The following NELL1 variants were observed in gnomAD, a reference collection of about 807,000 sequenced individuals.
The protein encoded by NELL1 is neural EGFL like 1, also known as protein kinase C-binding protein NELL1.
NELL1 carries 76 observed loss-of-function variants against 107.4 expected under a neutral mutation model. That is an observed-to-expected ratio of 0.71 (90% confidence interval 0.59 to 0.86). The LOEUF (loss-of-function observed/expected upper bound fraction) is 0.86. Ranked by LOEUF, NELL1 falls within the 40% of genes least tolerant of loss-of-function variation. The pLI, the probability that NELL1 is intolerant of heterozygous loss-of-function variation, is 0.00. For synonymous variants in NELL1, 353 were observed against 341.2 expected, an observed-to-expected ratio of 1.03 and a Z score of -0.38; for missense variants, 1,024 against 1,005.5, an observed-to-expected ratio of 1.02 and a Z score of -0.25.
chr11:20,975,732 AATGT>A (rs952529285), intron 12 of NELL1, among the ~76,000 whole-genome samples: 4 of 96,180 alleles, frequency 4.2e-5, no homozygotes, highest in East Asian at 3.2e-4. Context: ...TGTATTATAT[AATGT>A]ATGTATTATA....
intron 16 of NELL1, among the ~76,000 whole-genome samples, chr11:21,544,434 T>G (rs2133982117): frequency 6.6e-6 from 1 of 151,974 alleles, no homozygotes; most frequent in South Asian, 2.1e-4. Context: ...ATATAGGTAA[T>G]TAGGGAAGAA....
intron 3 of NELL1, among the ~76,000 whole-genome samples, chr11:20,808,893 A>G (rs1298405149): frequency 6.6e-6 from 1 of 152,224 alleles, no homozygotes; most frequent in Non-Finnish European, 1.5e-5. Flanking sequence ...TCAGCAATTC[A>G]AGACTGTCTT....
At chr11:20,811,939 C>T (rs982903623) in intron 3 of NELL1, among the ~76,000 whole-genome samples, 4 of 151,778 alleles carry the variant, frequency 2.6e-5, no homozygotes, top group African/African-American at 9.7e-5. Flanking sequence ...CTTTATTTTG[C>T]CTTATTATTT....
intron 15 of NELL1, among the ~76,000 whole-genome samples, chr11:21,492,114 C>G (rs1426596519): frequency 6.6e-6 from 1 of 152,104 alleles, no homozygotes; most frequent in African/African-American, 2.4e-5. Context: ...CAAAAGAAGA[C>G]ATTTATGCAA....
chr11:21,154,978 T>C (rs1856199893), intron 13 of NELL1, among the ~76,000 whole-genome samples: 1 of 152,082 alleles, frequency 6.6e-6, no homozygotes, highest in African/African-American at 2.4e-5. Flanking sequence ...GGGTTTTTTG[T>C]GGGTGAGGTT....
intron 13 of NELL1, among the ~76,000 whole-genome samples, chr11:21,228,695 TCTCCTTCCCTCCCCTCCC>T (rs1857958019): frequency 1.7e-4 from 1 of 6,000 alleles, no homozygotes; most frequent in Non-Finnish European, 3.5e-4. Flanking sequence ...TCCCCTCCCC[TCTCCTTCCCTCCCCTCCC>T]ACCCCTCCTT....
At chr11:20,873,034 C>T (rs1849234040) in intron 4 of NELL1, among the ~76,000 whole-genome samples, 1 of 152,140 alleles carries the variant, frequency 6.6e-6, no homozygotes, top group Non-Finnish European at 1.5e-5. Flanking sequence ...ATGTGAGCAG[C>T]AGGCTTTTGA....
chr11:21,015,050 A>G (rs1199980696), intron 12 of NELL1, among the ~76,000 whole-genome samples: 1 of 151,834 alleles, frequency 6.6e-6, no homozygotes, highest in Non-Finnish European at 1.5e-5. Flanking sequence ...AGATCTCTGG[A>G]TCTTTTCTTG....
Position 21,252,820 on chromosome 11 carries a change from A to C in NELL1, c.1549+23366A>C, listed in dbSNP as rs866457852. 2.6e-5 allele frequency among the ~76,000 whole-genome samples: 4 copies of C among 152,236 alleles called. No individual in the cohort carries two copies. The Middle Eastern group carries it at 0.01, about 388-fold the overall frequency. On this transcript the variant is annotated intron_variant, in intron 14 of 19. Coordinates refer to ENST00000357134, the MANE Select transcript of NELL1 (RefSeq NM_006157.5). Reference sequence around the variant, plus strand: ...ATAACACAAAAGTCTCAAATATTAGATTCTAATCTCTTCGAAGGCAGCTTT... The same window carrying C: ...ATAACACAAAAGTCTCAAATATTAGCTTCTAATCTCTTCGAAGGCAGCTTT...
In NELL1 at chr11:20,994,909, A is replaced by G. The variant is rs142245058; in HGVS notation, c.1300+34349A>G. On this transcript the variant is annotated intron_variant, in intron 12 of 19. Coordinates refer to ENST00000357134, the MANE Select transcript of NELL1 (RefSeq NM_006157.5). Reference sequence around the variant, plus strand: ...ATTGTTTCTAACAAATTCCACCTTGAGACAATCAGGTCTTGTTTTAACAGC... The same window carrying G: ...ATTGTTTCTAACAAATTCCACCTTGGGACAATCAGGTCTTGTTTTAACAGC... Among the ~76,000 whole-genome samples the G allele has an allele frequency of 3.8e-3, 578 of 152,294 alleles. 3 individuals carry two copies. The highest frequency in any genetic ancestry group is 6.6e-3 in the Non-Finnish European group (448 of 68,020).
chr11:21,563,556 A>T (rs10741888), intron 17 of NELL1, among the ~76,000 whole-genome samples: 135,198 of 152,062 alleles, frequency 0.89, 60,418 homozygotes, highest in Non-Finnish European at 0.94. Context: ...TTTAAATTAA[A>T]AATATAAATA....
chr11:20,904,885 A>G (rs1590400358), intron 5 of NELL1, among the ~76,000 whole-genome samples: 1 of 151,734 alleles, frequency 6.6e-6, no homozygotes, highest in East Asian at 1.9e-4. Context: ...CTGGAGGACA[A>G]TGATATGATC....
chr11:21,575,004 G>A lies in NELL1; in HGVS notation c.2415G>A (p.Glu805=), dbSNP rs781240983. 3 of 1,610,688 alleles carry A rather than the reference G, an allele frequency of 1.9e-6. No homozygotes were observed. The highest frequency in any genetic ancestry group is 2.5e-6 in the Non-Finnish European group (3 of 1,177,780). The change falls in exon 20 of 20, where the codon GAG becomes GAA. Residue 805 remains glutamate (E), a synonymous_variant. Coordinates refer to ENST00000357134, the MANE Select transcript of NELL1 (RefSeq NM_006157.5). ...NGRVCCSVDF[E]CLQNN is the part of the protein sequence containing the mutation. ...GAGTCTGTTGTTCTGTGGATTTTGA[G>A]TGTCTTCAAAATAATTGAAGTATTT...
intron 2 of NELL1, among the ~76,000 whole-genome samples, chr11:20,695,796 G>A (rs1401495348): frequency 6.6e-6 from 1 of 152,088 alleles, no homozygotes; most frequent in East Asian, 1.9e-4. Context: ...CGTAGAATGA[G>A]TTAGGAAGGA....
At chr11:20,826,536 C>T (rs1019725700) in intron 3 of NELL1, among the ~76,000 whole-genome samples, 1 of 151,288 alleles carries the variant, frequency 6.6e-6, no homozygotes, top group South Asian at 2.1e-4. Context: ...GGACAGCTGG[C>T]ATTCTCTGCC....
chr11:21,226,161 C>G (rs1207054782), intron 13 of NELL1, among the ~76,000 whole-genome samples: 2 of 152,108 alleles, frequency 1.3e-5, no homozygotes, highest in African/African-American at 4.8e-5. Context: ...TTTGAAGGTG[C>G]TGGTCATTTT....
intron 15 of NELL1, among the ~76,000 whole-genome samples, chr11:21,377,584 T>C (rs1389064715): frequency 6.6e-6 from 1 of 151,978 alleles, no homozygotes; most frequent in Non-Finnish European, 1.5e-5. Flanking sequence ...AAGAGTCCCT[T>C]TTTTTGATTT....
intron 13 of NELL1, among the ~76,000 whole-genome samples, chr11:21,223,157 T>C (rs1453988): frequency 0.25 from 37,973 of 151,966 alleles, 5,195 homozygotes; most frequent in Non-Finnish European, 0.31. Flanking sequence ...CCTATCATTA[T>C]TGTATTGGAA....
At chr11:21,354,322 T>A (rs1850881980) in intron 14 of NELL1, among the ~76,000 whole-genome samples, 1 of 152,082 alleles carries the variant, frequency 6.6e-6, no homozygotes, top group Non-Finnish European at 1.5e-5. Flanking sequence ...TTTCTTTATT[T>A]ATTGTTTGTA....
Sources: allele counts gnomAD v4.1 joint callset (sites outside exome capture counted in the v4.1 genomes callset), GRCh38; gene constraint gnomAD v4.1.1; transcripts MANE v1.5; gene names NCBI Gene and HGNC (gene_info 2026-07-23, HGNC 2026-07-21).